SESTD1: variants seen among roughly 807,000 people sequenced by gnomAD.
SESTD1 encodes the protein SEC14 and spectrin domain containing 1, also known as SEC14 domain and spectrin repeat-containing protein 1.
Under a neutral mutation model 101.7 loss-of-function variants are expected in SESTD1, and 43 were observed. The ratio of observed to expected loss-of-function variants is 0.42; its 90% confidence interval spans 0.33 to 0.55. SESTD1 has a LOEUF of 0.55. Ranked by LOEUF, SESTD1 falls within the 20% of genes least tolerant of loss-of-function variation. The pLI is 0.07. For synonymous variants in SESTD1, 283 were observed against 286.8 expected (o/e 0.99, Z 0.13); for missense variants, 647 against 815.1 (o/e 0.79, Z 2.51).
At position 179,215,760 on chromosome 2, in the gene SESTD1, A is replaced by G. The variant is rs1011149765; in HGVS notation, c.-25-23894T>C. On this transcript the variant is annotated intron_variant, in intron 1 of 17. Transcript: ENST00000428443. The stretch of plus-strand genomic sequence containing the variant: ...ATCCTCAATAAAATACTGGCAAACC[A>G]AATCCAGCAGCACATCAATAGCTAA... 1.5e-5 allele frequency among the ~76,000 whole-genome samples: 2 copies of G among 135,094 alleles called. 1 individual carries two copies. The highest frequency in any genetic ancestry group is 5.9e-5 in the African/African-American group (2 of 34,180). The allele number at this position is 135,094 out of a possible 152,430, so 88.6% of individuals were successfully genotyped here. A position where few individuals can be genotyped will look rare whatever the true frequency, so the allele number is the denominator to read the frequency against.
intron 1 of SESTD1, among the ~76,000 whole-genome samples, chr2:179,204,068 A>C (rs1400126839): frequency 7.5e-6 from 1 of 133,746 alleles, no homozygotes. Context: ...GTGAAGAAAA[A>C]ACTCACACAT....
intron 5 of SESTD1, among the ~76,000 whole-genome samples, chr2:179,166,012 C>A (rs1320924761): frequency 6.6e-6 from 1 of 152,184 alleles, no homozygotes; most frequent in African/African-American, 2.4e-5. Context: ...AAGGAAAGAT[C>A]TGCATCTTCA....
In SESTD1 at chr2:179,256,535, G is replaced by A. The variant is rs115605698; in HGVS notation, c.-26+7964C>T. Among the ~76,000 whole-genome samples, 758 of 152,262 alleles carry A rather than the reference G, an allele frequency of 5.0e-3. 5 individuals carry two copies. The highest frequency in any genetic ancestry group is 0.018 in the African/African-American group (728 of 41,542). On this transcript the variant is annotated intron_variant, in intron 1 of 17. Transcript: ENST00000428443. ...AGATAAAACTTTAACAGATGGGGCC[G>A]GGCACGGTGTCTTACGCCTGTAATC...
chr2:179,145,739 T>C (rs1408297205), intron 8 of SESTD1, among the ~76,000 whole-genome samples: 2 of 152,174 alleles, frequency 1.3e-5, no homozygotes, highest in Non-Finnish European at 1.5e-5. Context: ...AGAGAGAGCT[T>C]AATAGTTACT....
chr2:179,188,615 G>C (rs2105493558), intron 2 of SESTD1, among the ~76,000 whole-genome samples: 1 of 152,144 alleles, frequency 6.6e-6, no homozygotes, highest in South Asian at 2.1e-4. Context: ...CTCCACCCTA[G>C]ACTGAGTGAC....
chr2:179,112,865 A>G lies in SESTD1; in HGVS notation c.1840-20T>C. 6.2e-7 allele frequency: 1 copy of G among 1,600,696 alleles called. No individual in the cohort carries two copies. The highest frequency in any genetic ancestry group is 8.5e-7 in the Non-Finnish European group (1 of 1,177,284). On this transcript the variant is annotated intron_variant, in intron 16 of 17. Coordinates refer to ENST00000428443, the MANE Select transcript of SESTD1 (RefSeq NM_178123.5). ...CAAAATCTGCAACAAATAAAAGAGC[A>G]ACATCAATCAAGAGACACAGACAGG...
chr2:179,134,258 A>C (rs368803875), intron 9 of SESTD1, among the ~76,000 whole-genome samples: 2 of 152,346 alleles, frequency 1.3e-5, no homozygotes, highest in East Asian at 1.9e-4. Flanking sequence ...ATTCTCATAG[A>C]TAACAAGTAG....
intron 17 of SESTD1, among the ~76,000 whole-genome samples, chr2:179,112,397 CT>C (rs1195029111): frequency 5.3e-5 from 8 of 152,216 alleles, no homozygotes; most frequent in Admixed American, 1.3e-4. Context: ...ACATCAATCC[CT>C]TGTCCCCTCT....
chr2:179,200,641 T>C (rs542835737), intron 1 of SESTD1, among the ~76,000 whole-genome samples: 1 of 151,464 alleles, frequency 6.6e-6, no homozygotes, highest in Non-Finnish European at 1.5e-5. Context: ...ATCTGATCTT[T>C]GACAAACCTG....
intron 2 of SESTD1, among the ~76,000 whole-genome samples, chr2:179,183,707 G>T (rs11685843): frequency 0.4 from 61,198 of 151,786 alleles, 14,425 homozygotes; most frequent in East Asian, 0.73. Context: ...GGGTATTGGC[G>T]TGTCTGTAGT....
chr2:179,182,692 T>C (rs902791414), intron 3 of SESTD1, among the ~76,000 whole-genome samples: 2 of 152,154 alleles, frequency 1.3e-5, no homozygotes, highest in African/African-American at 2.4e-5. Flanking sequence ...AAACTCCTAA[T>C]AGACTTCACT....
intron 16 of SESTD1, among the ~76,000 whole-genome samples, chr2:179,113,357 G>A (rs541045509): frequency 6.6e-6 from 1 of 152,298 alleles, no homozygotes; most frequent in African/African-American, 2.4e-5. Context: ...AACTCAGCTA[G>A]ATGATAATAT....
chr2:179,229,468 T>A (rs1038443001), intron 1 of SESTD1, among the ~76,000 whole-genome samples: 1 of 152,024 alleles, frequency 6.6e-6, no homozygotes, highest in Non-Finnish European at 1.5e-5. Flanking sequence ...TTGCAGATGG[T>A]GGGACTTCTC....
intron 2 of SESTD1, 137 bp downstream of exon 2, chr2:179,191,650 C>T: frequency 1.4e-6 from 1 of 737,384 alleles, no homozygotes; most frequent in Non-Finnish European, 2.3e-6. Context: ...GCTCTTCATT[C>T]TGATTTAAAG....
chr2:179,147,348 GAT>G, intron 7 of SESTD1, among the ~76,000 whole-genome samples: 1 of 151,028 alleles, frequency 6.6e-6, no homozygotes, highest in East Asian at 1.9e-4. Context: ...CACTGAACAA[GAT>G]ATGTTTGTTT....
chr2:179,199,566 G>C (rs1203339065), intron 1 of SESTD1, among the ~76,000 whole-genome samples: 2 of 152,042 alleles, frequency 1.3e-5, no homozygotes, highest in African/African-American at 4.8e-5. Context: ...ATAAAATACT[G>C]GCAAACTGAA....
rs2046323586 is a variant in SESTD1 at position 179,191,767 on chromosome 2, A to T, written c.55+20T>A. 2 of 1,604,266 alleles carry T rather than the reference A, an allele frequency of 1.2e-6. No individual in the cohort carries two copies. The highest frequency in any genetic ancestry group is 1.7e-6 in the Non-Finnish European group (2 of 1,173,684). On this transcript the variant is annotated intron_variant, in intron 2 of 17. Transcript: ENST00000428443. ...AAAGTTTGTATATCAAACACTTCAA[A>T]TTTTAAGAAGAAATCATACCTGAAA... is the stretch of plus-strand genomic sequence containing the variant.
At chr2:179,147,150 G>T (rs115594418) in intron 7 of SESTD1, among the ~76,000 whole-genome samples, 2 of 117,854 alleles carry the variant, frequency 1.7e-5, no homozygotes, top group African/African-American at 5.3e-5. Flanking sequence ...TTGACATAAA[G>T]AAGGTTGAAA....
intron 1 of SESTD1, among the ~76,000 whole-genome samples, chr2:179,247,953 A>G (rs962671273): frequency 2.0e-5 from 3 of 152,076 alleles, no homozygotes; most frequent in African/African-American, 7.2e-5. Context: ...GCTGAAGGGA[A>G]ATTTATAGCA....
Sources: allele counts gnomAD v4.1 joint callset (sites outside exome capture counted in the v4.1 genomes callset), GRCh38; gene constraint gnomAD v4.1.1; transcripts MANE v1.5; gene names NCBI Gene and HGNC (gene_info 2026-07-23, HGNC 2026-07-21).